The following GPHN variants were observed in gnomAD, a reference collection of about 807,000 sequenced individuals.
GPHN encodes the protein gephyrin.
In GPHN, 17 loss-of-function variants were observed where a neutral mutation model predicts 95.5. That is an observed-to-expected ratio of 0.18 (90% confidence interval 0.12 to 0.27). The LOEUF is 0.27. GPHN is among the 10% of genes least tolerant of loss of function. The pLI is 1.00. For missense variants in GPHN, 660 were observed against 978.1 expected (o/e 0.67, Z 4.34); for synonymous variants, 320 against 322.5 (o/e 0.99, Z 0.08).
intron 10 of GPHN, among the ~76,000 whole-genome samples, chr14:67,044,564 GGTATAGC>G (rs2074894120): frequency 6.6e-6 from 1 of 152,062 alleles, no homozygotes; most frequent in Admixed American, 6.5e-5. Flanking sequence ...AATCTCTCAA[GGTATAGC>G]AAGAGCCGGT....
the GPHN span, chr14:67,364,498 G>T: frequency 1.2e-5 from 4 of 342,602 alleles, no homozygotes; most frequent in South Asian, 1.4e-4. Context: ...CTTTATAGAT[G>T]GTCATTATTT....
At chr14:66,784,496 A>T (rs2059706246) in intron 3 of GPHN, among the ~76,000 whole-genome samples, 1 of 152,178 alleles carries the variant, frequency 6.6e-6, no homozygotes, top group Non-Finnish European at 1.5e-5. Flanking sequence ...AATACAATAG[A>T]TTGTATTTTC....
the GPHN span, chr14:67,693,083 C>T: frequency 6.7e-7 from 1 of 1,489,000 alleles, no homozygotes; most frequent in Non-Finnish European, 9.3e-7. Context: ...CTCATCAATT[C>T]TTCATTCTAC....
At chr14:66,944,479 G>T (rs1276173809) in intron 8 of GPHN, among the ~76,000 whole-genome samples, 1 of 152,162 alleles carries the variant, frequency 6.6e-6, no homozygotes, top group Non-Finnish European at 1.5e-5. Flanking sequence ...ACACCAGATT[G>T]GTTACAGCTT....
At chr14:66,698,839 A>G (rs1040704625) in intron 2 of GPHN, among the ~76,000 whole-genome samples, 21 of 152,190 alleles carry the variant, frequency 1.4e-4, no homozygotes, top group East Asian at 1.9e-4. Flanking sequence ...TTGGCCCTCC[A>G]TATATGCGGG....
intron 1 of GPHN, among the ~76,000 whole-genome samples, chr14:66,631,437 T>TC (rs1199698082): frequency 2.6e-5 from 4 of 152,204 alleles, no homozygotes; most frequent in Non-Finnish European, 4.4e-5. Flanking sequence ...CTGAATAACT[T>TC]CAAGTAATTT....
At chr14:67,227,940 C>A in the GPHN span, among the ~76,000 whole-genome samples, 1,611 of 152,098 alleles carry the variant, frequency 0.011, 30 homozygotes, top group African/African-American at 0.036. Context: ...GAGGCCAAGG[C>A]GGGTGGATCA....
Position 67,036,540 on chromosome 14 carries a change from C to CACAG in GPHN, c.1006+12866_1006+12867insCAGA, listed in dbSNP as rs946760546. Among the ~76,000 whole-genome samples, 16 of 148,338 alleles carry CACAG rather than the reference C, an allele frequency of 1.1e-4. 1 individual carries two copies. The highest frequency in any genetic ancestry group is 2.2e-4 in the African/African-American group (9 of 40,364). ...ACACACACACACACACACACACACA[C>CACAG]AGAGAAACACTAACTGTTAAAGCTA... On this transcript the variant is annotated intron_variant, in intron 10 of 22. Transcript: ENST00000478722.
At chr14:66,589,049 A>G (rs999216455) in intron 1 of GPHN, among the ~76,000 whole-genome samples, 1 of 152,226 alleles carries the variant, frequency 6.6e-6, no homozygotes, top group African/African-American at 2.4e-5. Context: ...TAGAAATCCT[A>G]CAAGCCAGAA....
chr14:67,357,161 A>T, the GPHN span, among the ~76,000 whole-genome samples: 68 of 152,298 alleles, frequency 4.5e-4, no homozygotes, highest in Non-Finnish European at 8.5e-4. Flanking sequence ...CCACTCTACA[A>T]TTGTTTTTGC....
At chr14:67,075,552 G>T (rs569977837) in intron 11 of GPHN, among the ~76,000 whole-genome samples, 165 of 152,246 alleles carry the variant, frequency 1.1e-3, no homozygotes, top group African/African-American at 3.8e-3. Context: ...TAGTGGATCT[G>T]AGCAAAGTAA....
intron 8 of GPHN, among the ~76,000 whole-genome samples, chr14:66,928,892 A>G (rs2082534349): frequency 6.6e-6 from 1 of 151,884 alleles, no homozygotes; most frequent in South Asian, 2.1e-4. Flanking sequence ...ATATGATTTC[A>G]GTTTTTTTAA....
chr14:67,263,129 A>G, the GPHN span, among the ~76,000 whole-genome samples: 1 of 152,120 alleles, frequency 6.6e-6, no homozygotes, highest in Non-Finnish European at 1.5e-5. Context: ...AAAGGCCTTC[A>G]ATTTTGTGTT....
chr14:67,371,024 C>CA, the GPHN span, among the ~76,000 whole-genome samples: 2 of 151,132 alleles, frequency 1.3e-5, no homozygotes, highest in East Asian at 1.9e-4. Flanking sequence ...GACCCTGTCT[C>CA]AAAAAAAAGG....
intron 8 of GPHN, among the ~76,000 whole-genome samples, chr14:66,924,628 C>T (rs2066389560): frequency 1.3e-5 from 2 of 152,138 alleles, no homozygotes; most frequent in Admixed American, 6.5e-5. Flanking sequence ...CTTAAAATTA[C>T]CTCTTAAGAG....
Position 66,614,495 on chromosome 14 carries a change from T to A in GPHN, c.65-66612T>A, listed in dbSNP as rs1015881540. 2.6e-5 allele frequency among the ~76,000 whole-genome samples: 4 copies of A among 152,170 alleles called. No individual in the cohort carries two copies. The East Asian group carries it at 7.7e-4, about 29-fold the overall frequency. On this transcript the variant is annotated intron_variant, in intron 1 of 22. Transcript: ENST00000478722. ...AAACTTATTCACTTATTGTAATAGA[T>A]TATATACTTTTTGCTTTTCTACATG...
At chr14:67,228,356 A>C in the GPHN span, 1 of 512,788 alleles carries the variant, frequency 2.0e-6, no homozygotes, top group African/African-American at 2.1e-5. Context: ...TATAGTTAAC[A>C]GTAATAACAC....
chr14:67,574,080 G>C, the GPHN span, among the ~76,000 whole-genome samples: 1 of 152,182 alleles, frequency 6.6e-6, no homozygotes, highest in East Asian at 1.9e-4. This position sits in a 1 kb window ranked among gnomAD's most constrained non-coding sequence, Gnocchi z 4.2. Context: ...GAAGGAAGGA[G>C]AGACAGGGAG....
intron 4 of GPHN, among the ~76,000 whole-genome samples, chr14:66,870,344 G>A (rs2063383828): frequency 6.6e-6 from 1 of 152,222 alleles, no homozygotes; most frequent in South Asian, 2.1e-4. Context: ...AACATATAAG[G>A]TTTGTGTCTC....
Sources: allele counts gnomAD v4.1 joint callset (sites outside exome capture counted in the v4.1 genomes callset), GRCh38; gene constraint gnomAD v4.1.1; non-coding constraint Gnocchi (gnomAD v3.1); transcripts MANE v1.5; gene names NCBI Gene and HGNC (gene_info 2026-07-23, HGNC 2026-07-21).